The following NEIL1 variants were observed in gnomAD, a reference collection of about 807,000 sequenced individuals.
NEIL1 encodes endonuclease 8-like 1.
NEIL1 carries 31 observed loss-of-function variants against 44.2 expected under a neutral mutation model. The ratio of observed to expected loss-of-function variants is 0.70; its 90% CI spans 0.53 to 0.95. NEIL1 has a LOEUF of 0.95. Among genes scored for constraint, NEIL1 ranks in the 40% least tolerant of loss-of-function variants. The probability of loss-of-function intolerance (pLI) is 0.00; values close to 1 mark genes in which losing one functional copy is unlikely to be tolerated. For synonymous variants in NEIL1, 254 were observed against 209.7 expected (o/e 1.21, Z -1.83); for missense variants, 549 against 515.5 (o/e 1.07, Z -0.63).
intron 2 of NEIL1, chr15:75,351,226 A>G: frequency 2.2e-6 from 1 of 448,586 alleles, no homozygotes; most frequent in Non-Finnish European, 4.4e-6. Context: ...TCATGTCCTG[A>G]GGAGTCTGAG....
chr15:75,348,864 G>A lies in NEIL1; in HGVS notation c.-22-20G>A, dbSNP rs745335123. The A allele has an allele frequency of 1.9e-6, 3 of 1,594,344 alleles. No individual in the cohort carries two copies. Among genetic ancestry groups the A allele is most frequent in the Non-Finnish European group, 1.7e-6 (2 of 1,171,962 alleles). On this transcript the variant is annotated intron_variant, in intron 1 of 9. Transcript: ENST00000355059. ...ACAAAGTCCACACCGGGCTCAACCCGCTGCCTTCCTCCCCAACAGGACTCT... is the reference window on the plus strand; with the variant it reads ...ACAAAGTCCACACCGGGCTCAACCCACTGCCTTCCTCCCCAACAGGACTCT...
chr15:75,347,362 G>T lies in NEIL1; in HGVS notation c.-134G>T, dbSNP rs955753943. ...GCCGACCCTGTCCCACGCTAGCTGG[G>T]TGACTTCCCCCAACCGCAGAGACAG... is the stretch of plus-strand genomic sequence containing the variant. On this transcript the variant is annotated 5_prime_UTR_variant, in exon 1 of 10. Transcript: ENST00000355059. 1.3e-5 allele frequency: 2 copies of T among 152,292 alleles called. No homozygotes were observed. Among genetic ancestry groups the T allele is most frequent in the African/African-American group, 4.8e-5 (2 of 41,464 alleles). The allele number at this position is 152,292 out of a possible 1,614,324, so 9.4% of individuals were successfully genotyped here.
chr15:75,356,280 C>T lies in NEIL1; in HGVS notation c.*1246C>T, dbSNP rs560887393. On this transcript the variant is annotated 3_prime_UTR_variant, in exon 10 of 10. Coordinates refer to ENST00000355059, the MANE Select transcript of NEIL1 (RefSeq NM_024608.4). The surrounding 1 kb of genome is among the most constrained non-coding windows in gnomAD (Gnocchi z 5.8). ...GCAGGCCCAGTTCGGAACCCCGTCC[C>T]CAGCACGTCCCACCCCTTGCCTGCT... is the stretch of plus-strand genomic sequence containing the variant. The T allele has an allele frequency of 2.5e-6, 4 of 1,611,742 alleles. No individual in the cohort carries two copies. The Admixed American group carries it at 6.7e-5, about 27-fold the overall frequency.
rs370393404 is a variant in NEIL1 at position 75,352,007 on chromosome 15, C to T, written c.435-104C>T. ...GCAGGGAGAAGAGGAACTGTAACTCCCAGTTTCCTTCCCCTTGCACCCAGA... is the reference window on the plus strand; with the variant it reads ...GCAGGGAGAAGAGGAACTGTAACTCTCAGTTTCCTTCCCCTTGCACCCAGA... On this transcript the variant is annotated intron_variant, in intron 2 of 9. Transcript: ENST00000355059. The T allele has an allele frequency of 4.0e-4, 428 of 1,076,694 alleles. 3 individuals carry two copies. Among genetic ancestry groups the T allele is most frequent in the Middle Eastern group, 1.2e-3 (6 of 4,910 alleles). 66.7% of individuals were successfully genotyped at this position (1,076,694 alleles called of 1,614,324 possible). A position where few individuals can be genotyped will look rare whatever the true frequency, so the allele number is the denominator to read the frequency against.
chr15:75,351,278 T>TC (rs2141312778), intron 2 of NEIL1: 1 of 359,488 alleles, frequency 2.8e-6, no homozygotes, highest in East Asian at 8.6e-5. Flanking sequence ...ATGTTGCTTT[T>TC]TTTTTTTTTT....
At position 75,347,051 on chromosome 15, in the gene NEIL1, T is replaced by C. The variant is rs1023767710; in HGVS notation, c.-445T>C. 1.3e-5 allele frequency: 2 copies of C among 152,258 alleles called. No homozygotes were observed. Among genetic ancestry groups the C allele is most frequent in the Non-Finnish European group, 2.9e-5 (2 of 68,042 alleles). 9.4% of individuals were successfully genotyped at this position (152,258 alleles called of 1,614,324 possible). ...CTTCCGCCGGACACGTCGGGTTTCC[T>C]CGTTTTTGCGGACTGGCGCTTTCTG... On this transcript the variant is annotated 5_prime_UTR_variant, in exon 1 of 10. Transcript: ENST00000355059.
intron 5 of NEIL1, chr15:75,353,334 C>T: frequency 3.2e-6 from 1 of 311,058 alleles, no homozygotes; most frequent in South Asian, 2.8e-5. Context: ...GTGATCCTCC[C>T]ACATCTGCCT....
rs1390747387 is a variant in NEIL1 at position 75,352,597 on chromosome 15, C to A, written c.619-5C>A. The A allele has an allele frequency of 4.3e-6, 7 of 1,612,106 alleles. No homozygotes were observed. The East Asian group carries it at 1.6e-4, about 36-fold the overall frequency. ...AGACAGGTCCTGCCCCTGCCCCTTCCTCAGAGCCCGGAGCTGACCCTGAGC... is the reference window on the plus strand; with the variant it reads ...AGACAGGTCCTGCCCCTGCCCCTTCATCAGAGCCCGGAGCTGACCCTGAGC... On this transcript the variant is annotated splice_polypyrimidine_tract_variant and splice_region_variant and intron_variant, in intron 4 of 9. Transcript: ENST00000355059.
In NEIL1 at chr15:75,355,955, G is replaced by A. The variant is rs978362067; in HGVS notation, c.*921G>A. The A allele has an allele frequency of 3.1e-6, 5 of 1,614,102 alleles. No individual in the cohort carries two copies. The highest frequency in any genetic ancestry group is 4.2e-6 in the Non-Finnish European group (5 of 1,180,050). The stretch of plus-strand genomic sequence containing the variant: ...GAGCAACAGGGACAGCACTTGGAAG[G>A]GAGAAAAGGTGAGCTTCAGGCGGTT... On this transcript the variant is annotated 3_prime_UTR_variant, in exon 10 of 10. Coordinates refer to ENST00000355059, the MANE Select transcript of NEIL1 (RefSeq NM_024608.4).
At chr15:75,351,711 T>G (rs1357480272) in intron 2 of NEIL1, among the ~76,000 whole-genome samples, 3 of 152,192 alleles carry the variant, frequency 2.0e-5, no homozygotes, top group Non-Finnish European at 4.4e-5. Context: ...AACCTCCACC[T>G]CCCAGGTTCC....
chr15:75,348,587 G>T, intron 1 of NEIL1: 1 of 1,259,016 alleles, frequency 7.9e-7, no homozygotes, highest in Non-Finnish European at 1.0e-6. Context: ...GGCTGCAGCC[G>T]CGGCCCCGCA....
intron 1 of NEIL1, chr15:75,347,858 G>T: frequency 8.4e-7 from 1 of 1,190,980 alleles, no homozygotes; most frequent in Non-Finnish European, 1.1e-6. Flanking sequence ...ACGTTCTCCC[G>T]CAAAACGAGC....
chr15:75,352,267 G>T (rs766949357), intron 3 of NEIL1, 37 bp downstream of exon 3: 8 of 1,614,044 alleles, frequency 5.0e-6, no homozygotes, highest in Admixed American at 3.3e-5. Flanking sequence ...ACTGCGGTGG[G>T]CCAGGTGTGC....
Position 75,356,398 on chromosome 15 carries a change from G to A in NEIL1, c.*1364G>A. On this transcript the variant is annotated 3_prime_UTR_variant, in exon 10 of 10. Transcript: ENST00000355059. This position sits in a 1 kb window ranked among gnomAD's most constrained non-coding sequence, Gnocchi z 5.8. The stretch of plus-strand genomic sequence containing the variant: ...GCTGGGGGCTGGCAGAGCCAACAGG[G>A]GGAAGTTTAGGCTGTAGGCAGCTTG... The A allele has an allele frequency of 1.2e-6, 2 of 1,610,686 alleles. No individual in the cohort carries two copies. The highest frequency in any genetic ancestry group is 1.7e-6 in the Non-Finnish European group (2 of 1,178,882).
In NEIL1 at chr15:75,353,827, C is replaced by G; in HGVS notation, c.807C>G (p.Ser269Arg). The G allele has an allele frequency of 6.2e-7, 1 of 1,613,724 alleles. No individual in the cohort carries two copies. Among genetic ancestry groups the G allele is most frequent in the Non-Finnish European group, 8.5e-7 (1 of 1,180,022 alleles). ...WLRCYGMPGM[S>R]SLQDRHGRTI... ...GCTGCTATGGCATGCCAGGCATGAG[C>G]TCCCTGCAGGACCGGCATGGCCGTA... is the stretch of plus-strand genomic sequence containing the variant. The change falls in exon 6 of 10, where the codon AGC (serine) becomes AGG (arginine). Residue 269 changes from serine to arginine, a missense_variant. Coordinates refer to ENST00000355059, the MANE Select transcript of NEIL1 (RefSeq NM_024608.4).
chr15:75,352,366 G>A lies in NEIL1; in HGVS notation c.597G>A (p.Glu199=), dbSNP rs773506431. The A allele has an allele frequency of 1.2e-6, 2 of 1,613,988 alleles. No individual in the cohort carries two copies. Among genetic ancestry groups the A allele is most frequent in the Non-Finnish European group, 8.5e-7 (1 of 1,180,040 alleles). ...PPFEKARSVL[E]ALQQHRPSPE... The stretch of plus-strand genomic sequence containing the variant: ...TTGAGAAGGCCCGCTCGGTCCTGGA[G>A]GCCCTGCAGCAGCACAGGCCGGTAA... The change falls in exon 4 of 10, where the codon GAG becomes GAA. Residue 199 remains glutamate, a synonymous_variant. Coordinates refer to ENST00000355059, the MANE Select transcript of NEIL1 (RefSeq NM_024608.4).
At chr15:75,353,994 G>A in intron 6 of NEIL1, 128 bp downstream of exon 6, 2 of 1,302,888 alleles carry the variant, frequency 1.5e-6, no homozygotes, top group Admixed American at 1.9e-5. Flanking sequence ...CTGTTCCTGA[G>A]GGTCACACCC....
At position 75,352,166 on chromosome 15, in the gene NEIL1, G is replaced by T. The variant is rs62029710; in HGVS notation, c.490G>T (p.Ala164Ser). ...GGCCTTTGACCGGCCCATCTGCGAG[G>T]CCCTCCTGGACCAGAGGTTCTTCAA... is the stretch of plus-strand genomic sequence containing the variant. Reference protein sequence around the residue: ...DKAFDRPICEALLDQRFFNGI... With the variant: ...DKAFDRPICESLLDQRFFNGI... Residue 164 changes from alanine (A) to serine (S), a missense_variant, in exon 3 of 10, where the codon GCC (alanine) becomes TCC (serine). Physicochemically the swap from Ala to Ser is moderately conservative, Grantham distance 99. Coordinates refer to ENST00000355059, the MANE Select transcript of NEIL1 (RefSeq NM_024608.4). 1.9e-6 allele frequency: 3 copies of T among 1,614,190 alleles called. 1 individual carries two copies.
rs1285638603 is a variant in NEIL1 at position 75,352,615 on chromosome 15, C to G, written c.632C>G (p.Thr211Ser). 6.2e-7 allele frequency: 1 copy of G among 1,613,310 alleles called. No homozygotes were observed. The highest frequency in any genetic ancestry group is 1.7e-5 in the Admixed American group (1 of 59,962). Residue 211 changes from threonine (T) to serine (S), a missense_variant, in exon 5 of 10, where the codon ACC becomes AGC. Physicochemically the swap from Thr to Ser is moderately conservative, Grantham distance 58. Transcript: ENST00000355059. ...CCCCTTCCTCAGAGCCCGGAGCTGACCCTGAGCCAGAAGATAAGGACCAAG... is the reference window on the plus strand; with the variant it reads ...CCCCTTCCTCAGAGCCCGGAGCTGAGCCTGAGCCAGAAGATAAGGACCAAG... ...LQQHRPSPEL[T>S]LSQKIRTKLQ...
Sources: allele counts gnomAD v4.1 joint callset (sites outside exome capture counted in the v4.1 genomes callset), GRCh38; gene constraint gnomAD v4.1.1; non-coding constraint Gnocchi (gnomAD v3.1); transcripts MANE v1.5; gene names NCBI Gene and HGNC (gene_info 2026-07-23, HGNC 2026-07-21).